The following NINJ2 variants were observed in gnomAD, a reference collection of about 807,000 sequenced individuals.
NINJ2 encodes ninjurin-2.
In NINJ2, 12 loss-of-function variants were observed where a neutral mutation model predicts 11.7. That is an observed-to-expected ratio of 1.02 (90% CI 0.66 to 1.66). NINJ2 has a LOEUF of 1.66. Among genes scored for constraint, NINJ2 ranks in the 40% most tolerant of loss-of-function variants. The pLI is 0.00. For missense variants in NINJ2, 187 were observed against 181.8 expected, an observed-to-expected ratio of 1.03 and a Z score of -0.16; for synonymous variants, 93 against 76.8, an observed-to-expected ratio of 1.21 and a Z score of -1.10.
intron 1 of NINJ2, among the ~76,000 whole-genome samples, chr12:653,017 T>TG (rs1937818064): frequency 8.1e-6 from 1 of 123,618 alleles, no homozygotes; most frequent in Middle Eastern, 3.8e-3. Flanking sequence ...ATATTTTGTT[T>TG]CTTTTTTTTT....
rs75548203 is a variant in NINJ2 at position 636,621 on chromosome 12, T to C, written c.33+26707A>G. On this transcript the variant is annotated intron_variant, in intron 1 of 3. Coordinates refer to ENST00000305108, the MANE Select transcript of NINJ2 (RefSeq NM_016533.6). ...ACACACAAATGGCCAACAAGCTTCA[T>C]GAAAAAAGGCTCAATGTCACCAGTC... Among the ~76,000 whole-genome samples, 628 of 151,844 alleles carry C rather than the reference T, an allele frequency of 4.1e-3. 3 individuals are homozygous for C. The highest frequency in any genetic ancestry group is 0.014 in the African/African-American group (595 of 41,402).
chr12:621,472 GAAAAA>G (rs11310736), intron 1 of NINJ2, among the ~76,000 whole-genome samples: 1 of 147,430 alleles, frequency 6.8e-6, no homozygotes, highest in Non-Finnish European at 1.5e-5. Flanking sequence ...GAAAGAAAAA[GAAAAA>G]AAAAGAAAGA....
intron 1 of NINJ2, among the ~76,000 whole-genome samples, chr12:574,846 C>A (rs1010396310): frequency 7.2e-5 from 11 of 152,214 alleles, no homozygotes; most frequent in African/African-American, 2.4e-4. Flanking sequence ...TCACCCAGAC[C>A]CTAGCTGGTC....
At chr12:615,448 C>T (rs529904198) in intron 1 of NINJ2, among the ~76,000 whole-genome samples, 25 of 152,200 alleles carry the variant, frequency 1.6e-4, no homozygotes, top group African/African-American at 5.5e-4. Flanking sequence ...ATTAGCCGGG[C>T]GTAGTGGCGC....
chr12:648,383 AAC>A (rs937750294), intron 1 of NINJ2, among the ~76,000 whole-genome samples: 10 of 152,162 alleles, frequency 6.6e-5, no homozygotes, highest in African/African-American at 2.4e-4. Context: ...CGGCCTAACA[AAC>A]ACATATTTAT....
intron 1 of NINJ2, among the ~76,000 whole-genome samples, chr12:650,089 T>TG (rs1321796927): frequency 2.0e-5 from 3 of 151,492 alleles, no homozygotes; most frequent in Non-Finnish European, 2.9e-5. Flanking sequence ...GATTTTTTTT[T>TG]TTTTTGGAGG....
At chr12:653,640 T>C (rs574035347) in intron 1 of NINJ2, among the ~76,000 whole-genome samples, 1 of 151,668 alleles carries the variant, frequency 6.6e-6, no homozygotes, top group Non-Finnish European at 1.5e-5. Flanking sequence ...TGATACACTA[T>C]GAATGGAGAT....
intron 1 of NINJ2, among the ~76,000 whole-genome samples, chr12:636,618 T>C (rs1948355284): frequency 6.6e-6 from 1 of 151,778 alleles, no homozygotes; most frequent in South Asian, 2.1e-4. Context: ...CCAACAAGCT[T>C]CATGAAAAAA....
intron 1 of NINJ2, chr12:644,693 TTTA>T (rs1264038261): frequency 6.6e-6 from 1 of 152,102 alleles, no homozygotes; most frequent in African/African-American, 2.4e-5. Context: ...CTGAAAAAAA[TTTA>T]TTGACACCTA....
chr12:601,925 G>A (rs1371437772), intron 1 of NINJ2, among the ~76,000 whole-genome samples: 1 of 152,188 alleles, frequency 6.6e-6, no homozygotes, highest in Non-Finnish European at 1.5e-5. Context: ...GAATAAGAGA[G>A]TAGAGTCTGA....
chr12:581,542 C>CA lies in NINJ2; in HGVS notation c.34-15365_34-15364insT, dbSNP rs1947555791. Among the ~76,000 whole-genome samples the CA allele has an allele frequency of 1.3e-5, 2 of 152,218 alleles. No homozygotes were observed. The highest frequency in any genetic ancestry group is 6.5e-5 in the Admixed American group (1 of 15,284). The stretch of plus-strand genomic sequence containing the variant: ...CAGCCTGGATCCTCATACCGGGGCT[C>CA]TCCTGTCCTTCCTCAGGATTCGAAA... On this transcript the variant is annotated intron_variant, in intron 1 of 3. Coordinates refer to ENST00000305108, the MANE Select transcript of NINJ2 (RefSeq NM_016533.6). This position sits in a 1 kb window ranked among gnomAD's most constrained non-coding sequence, Gnocchi z 4.9.
At chr12:610,416 T>C (rs1948013610) in intron 1 of NINJ2, 1 of 1,535,452 alleles carries the variant, frequency 6.5e-7, no homozygotes, top group African/African-American at 1.4e-5. Flanking sequence ...AAGCAATTAC[T>C]GGAGAACAGG....
At chr12:642,855 CGCTCCCCTGCCCG>C (rs1240935916) in intron 1 of NINJ2, 1 of 151,186 alleles carries the variant, frequency 6.6e-6, no homozygotes, top group Non-Finnish European at 1.5e-5. Context: ...CTCGGGGCCC[CGCTCCCCTGCCCG>C]GCTCGCCCGC....
chr12:603,495 G>A (rs541253014), intron 1 of NINJ2, among the ~76,000 whole-genome samples: 3 of 151,924 alleles, frequency 2.0e-5, no homozygotes, highest in Non-Finnish European at 4.4e-5. Context: ...CCTGCATGAC[G>A]GTTTACTTAC....
chr12:581,275 TACAGACAAGGC>T lies in NINJ2; in HGVS notation c.34-15108_34-15098del. 6.6e-6 allele frequency among the ~76,000 whole-genome samples: 1 copy of T among 152,250 alleles called. No individual in the cohort carries two copies. Among genetic ancestry groups the T allele is most frequent in the East Asian group, 1.9e-4 (1 of 5,192 alleles). ...CCATAGACCTGTAGATGAGACAGGC[TACAGACAAGGC>T]AGGGATACTGGTGCATTATCCGGAG... On this transcript the variant is annotated intron_variant, in intron 1 of 3. Transcript: ENST00000305108. This position sits in a 1 kb window ranked among gnomAD's most constrained non-coding sequence, Gnocchi z 4.9.
At position 566,040 on chromosome 12, in the gene NINJ2, G is replaced by A; in HGVS notation, c.172C>T (p.Pro58Ser). Reference sequence around the variant, plus strand: ...AGGGTGGTGTAGTAGTGAGAGGATGGTCCCTGCTCCAGCACCGCCTTCAGC... The same window carrying A: ...AGGGTGGTGTAGTAGTGAGAGGATGATCCCTGCTCCAGCACCGCCTTCAGC... ...MRLKAVLEQG[P>S]SSHYYTTLVT... Residue 58 changes from proline (P) to serine (S), a missense_variant, in exon 2 of 4, where the codon CCA becomes TCA. Transcript: ENST00000305108. 1 of 1,614,198 alleles carries A rather than the reference G, an allele frequency of 6.2e-7. No individual in the cohort carries two copies. Among genetic ancestry groups the A allele is most frequent in the Admixed American group, 1.7e-5 (1 of 60,026 alleles).
chr12:626,915 GTC>G (rs1247184988), intron 1 of NINJ2, among the ~76,000 whole-genome samples: 4 of 152,080 alleles, frequency 2.6e-5, no homozygotes, highest in Admixed American at 2.6e-4. Flanking sequence ...GTGAGATCCT[GTC>G]TCTACAAAAA....
At position 628,347 on chromosome 12, in the gene NINJ2, T is replaced by C. The variant is rs896521584; in HGVS notation, c.33+34981A>G. Among the ~76,000 whole-genome samples, 2 of 152,038 alleles carry C rather than the reference T, an allele frequency of 1.3e-5. No individual in the cohort carries two copies. Among genetic ancestry groups the C allele is most frequent in the Non-Finnish European group, 2.9e-5 (2 of 67,960 alleles). On this transcript the variant is annotated intron_variant, in intron 1 of 3. Transcript: ENST00000305108. This position sits in a 1 kb window ranked among gnomAD's most constrained non-coding sequence, Gnocchi z 4.4. ...CTCCTCATAGAGATCTCAGAGTACA[T>C]AGGAAGGAGCCAGGTCTTTCCGTTC...
chr12:654,764 C>G (rs931472934), intron 1 of NINJ2, among the ~76,000 whole-genome samples: 1 of 151,658 alleles, frequency 6.6e-6, no homozygotes, highest in Non-Finnish European at 1.5e-5. Flanking sequence ...TGGTGACACC[C>G]GCCTGTAATC....
Sources: allele counts gnomAD v4.1 joint callset (sites outside exome capture counted in the v4.1 genomes callset), GRCh38; gene constraint gnomAD v4.1.1; non-coding constraint Gnocchi (gnomAD v3.1); transcripts MANE v1.5; gene names NCBI Gene and HGNC (gene_info 2026-07-23, HGNC 2026-07-21).